The following OXR1 variants were observed in gnomAD, a reference collection of about 807,000 sequenced individuals.
OXR1 encodes oxidation resistance 1.
A neutral mutation model predicts 104.6 loss-of-function variants in OXR1; 41 were observed. That is an observed-to-expected ratio of 0.39 (90% CI 0.31 to 0.51). The LOEUF is 0.51. Among genes scored for constraint, OXR1 ranks in the 20% least tolerant of loss-of-function variants. OXR1 has a pLI of 0.77. For missense variants in OXR1, 955 were observed against 1,031.9 expected (o/e 0.93, Z 1.02); for synonymous variants, 348 against 348.4 (o/e 1.00, Z 0.01).
intron 2 of OXR1, among the ~76,000 whole-genome samples, chr8:106,425,363 G>A (rs1446991301): frequency 2.6e-5 from 4 of 151,680 alleles, no homozygotes; most frequent in Admixed American, 1.3e-4. Flanking sequence ...TGTGCCCAGT[G>A]GTAAAACTAA....
intron 2 of OXR1, among the ~76,000 whole-genome samples, chr8:106,411,508 A>G (rs1043668892): frequency 2.0e-5 from 3 of 152,180 alleles, no homozygotes; most frequent in African/African-American, 7.2e-5. Flanking sequence ...CAAGTAAAAG[A>G]TGCCTTTTCT....
At chr8:106,518,422 T>C (rs1813008751) in intron 2 of OXR1, among the ~76,000 whole-genome samples, 3 of 152,186 alleles carry the variant, frequency 2.0e-5, no homozygotes, top group Admixed American at 1.3e-4. Context: ...CTATCTAAAA[T>C]GTAGAAGTGA....
At chr8:106,406,636 T>C (rs1360858115) in intron 2 of OXR1, among the ~76,000 whole-genome samples, 2 of 152,164 alleles carry the variant, frequency 1.3e-5, no homozygotes, top group African/African-American at 2.4e-5. Context: ...CATGACACTC[T>C]GGAGAAGGCA....
At chr8:106,333,695 T>C (rs892353937) in intron 1 of OXR1, among the ~76,000 whole-genome samples, 1 of 152,114 alleles carries the variant, frequency 6.6e-6, no homozygotes, top group Non-Finnish European at 1.5e-5. Context: ...TCTTTTTGCA[T>C]GTAGATAATG....
At chr8:106,393,216 A>T (rs1817650163) in intron 2 of OXR1, among the ~76,000 whole-genome samples, 2 of 152,318 alleles carry the variant, frequency 1.3e-5, no homozygotes, top group South Asian at 4.1e-4. Flanking sequence ...AGTATGGGCG[A>T]ATATTAGCTT....
chr8:106,655,621 A>G (rs1032143959), intron 3 of OXR1, among the ~76,000 whole-genome samples: 1 of 152,226 alleles, frequency 6.6e-6, no homozygotes, highest in African/African-American at 2.4e-5. Flanking sequence ...TTGATGGCCT[A>G]TGATTTTCTG....
In OXR1 at chr8:106,583,308, T is replaced by C. The variant is rs1285189506; in HGVS notation, c.220+64169T>C. ...CTTCAAGCTAAATTACAAATTTATA[T>C]GATTTTTAACAAACACTTTAAATGC... On this transcript the variant is annotated intron_variant, in intron 3 of 16. Coordinates refer to ENST00000517566, the MANE Select transcript of OXR1 (RefSeq NM_001198533.2). Among the ~76,000 whole-genome samples, 3 of 152,214 alleles carry C rather than the reference T, an allele frequency of 2.0e-5. No individual in the cohort carries two copies. The East Asian group carries it at 5.8e-4, about 29-fold the overall frequency.
chr8:106,287,283 G>A (rs781331943), intron 1 of OXR1, among the ~76,000 whole-genome samples: 10 of 152,078 alleles, frequency 6.6e-5, no homozygotes, highest in Non-Finnish European at 1.2e-4. Context: ...GGGTATTGGA[G>A]GTATTATTAA....
intron 2 of OXR1, among the ~76,000 whole-genome samples, chr8:106,514,207 C>T (rs1812720783): frequency 6.6e-6 from 1 of 151,974 alleles, no homozygotes; most frequent in Admixed American, 6.6e-5. Flanking sequence ...CTCGTGCACA[C>T]CTATATGTTC....
At chr8:106,399,631 A>T in intron 2 of OXR1, among the ~76,000 whole-genome samples, 1 of 152,178 alleles carries the variant, frequency 6.6e-6, no homozygotes. Flanking sequence ...TGACCAGAAT[A>T]ACCCAGAGTC....
At chr8:106,345,356 A>G (rs561669470) in intron 1 of OXR1, among the ~76,000 whole-genome samples, 1 of 152,352 alleles carries the variant, frequency 6.6e-6, no homozygotes, top group African/African-American at 2.4e-5. Flanking sequence ...TTCTCACTCT[A>G]AGATTCTAGA....
intron 7 of OXR1, among the ~76,000 whole-genome samples, chr8:106,701,882 G>A (rs1830609346): frequency 6.6e-6 from 1 of 152,232 alleles, no homozygotes; most frequent in Non-Finnish European, 1.5e-5. Context: ...ATTCATGTTA[G>A]TATGATCAGC....
At chr8:106,359,286 C>A (rs1816139189) in intron 1 of OXR1, among the ~76,000 whole-genome samples, 190 bp from the exon 2 acceptor site, 1 of 152,018 alleles carries the variant, frequency 6.6e-6, no homozygotes, top group South Asian at 2.1e-4. Flanking sequence ...AAAAGTAAAG[C>A]ATTCAGCTTA....
intron 2 of OXR1, among the ~76,000 whole-genome samples, chr8:106,514,989 A>C (rs1812768096): frequency 6.6e-6 from 1 of 152,084 alleles, no homozygotes; most frequent in African/African-American, 2.4e-5. Context: ...TTTGAAATAA[A>C]ATTTATAGGA....
At chr8:106,296,628 A>G (rs1312747316) in intron 1 of OXR1, among the ~76,000 whole-genome samples, 1 of 152,148 alleles carries the variant, frequency 6.6e-6, no homozygotes, top group Non-Finnish European at 1.5e-5. Flanking sequence ...ACTGAACTCT[A>G]GTGATCACCT....
intron 1 of OXR1, among the ~76,000 whole-genome samples, chr8:106,342,033 G>T (rs1412345900): frequency 7.0e-6 from 1 of 142,924 alleles, no homozygotes; most frequent in East Asian, 2.0e-4. Flanking sequence ...ATACCACCAT[G>T]CCCAGCTGAT....
chr8:106,356,725 G>A (rs1388687008), intron 1 of OXR1, among the ~76,000 whole-genome samples: 1 of 108,872 alleles, frequency 9.2e-6, no homozygotes, highest in Non-Finnish European at 1.8e-5. Context: ...AATTGAAGTT[G>A]GCAAAAATAA....
At chr8:106,403,789 C>A (rs1444527845) in intron 2 of OXR1, among the ~76,000 whole-genome samples, 2 of 152,178 alleles carry the variant, frequency 1.3e-5, no homozygotes, top group Non-Finnish European at 2.9e-5. Flanking sequence ...TTATCCCACA[C>A]CCTTAGTATC....
chr8:106,373,000 GA>G (rs1436529987), intron 2 of OXR1, among the ~76,000 whole-genome samples: 1 of 152,032 alleles, frequency 6.6e-6, no homozygotes, highest in Admixed American at 6.6e-5. Flanking sequence ...AATATTCAGG[GA>G]AAAAAATTTA....
Sources: allele counts gnomAD v4.1 joint callset (sites outside exome capture counted in the v4.1 genomes callset), GRCh38; gene constraint gnomAD v4.1.1; transcripts MANE v1.5; gene names NCBI Gene and HGNC (gene_info 2026-07-23, HGNC 2026-07-21).